ASTN2: variants seen among roughly 807,000 people sequenced by gnomAD.
The protein encoded by ASTN2 is astrotactin 2.
Under a neutral mutation model 139.8 loss-of-function variants are expected in ASTN2, and 54 were observed. The ratio of observed to expected loss-of-function variants is 0.39; its 90% CI spans 0.31 to 0.48. ASTN2 has a LOEUF of 0.48. Ranked by LOEUF, ASTN2 falls within the 20% of genes least tolerant of loss-of-function variation. The pLI is 0.95. For missense variants in ASTN2, 1,565 were observed against 1,725.1 expected (o/e 0.91, Z 1.64); for synonymous variants, 756 against 719.5 (o/e 1.05, Z -0.81).
chr9:116,998,573 A>C lies in ASTN2; in HGVS notation c.1591+9519T>G, dbSNP rs10435876. On this transcript the variant is annotated intron_variant, in intron 7 of 22. Coordinates refer to ENST00000313400, the MANE Select transcript of ASTN2 (RefSeq NM_001365068.1). ...TTCATCCATCCATCCATCCATCCAT[A>C]CATCCATCCATACATCCATGCATCC... Among the ~76,000 whole-genome samples the C allele has an allele frequency of 0.029, 121 of 4,152 alleles. No individual in the cohort carries two copies. In the East Asian group the frequency reaches 0.32, roughly 11 times the overall value. 2.7% of individuals were successfully genotyped at this position (4,152 alleles called of 152,430 possible). A position where few individuals can be genotyped will look rare whatever the true frequency, so the allele number is the denominator to read the frequency against.
chr9:117,315,611 T>C (rs968801697), intron 1 of ASTN2, among the ~76,000 whole-genome samples: 9 of 152,238 alleles, frequency 5.9e-5, no homozygotes, highest in African/African-American at 2.2e-4. Context: ...CAGTTCTCAG[T>C]AAATGCTCAT....
At chr9:116,737,248 G>C (rs1034236968) in intron 13 of ASTN2, among the ~76,000 whole-genome samples, 1 of 152,200 alleles carries the variant, frequency 6.6e-6, no homozygotes, top group Non-Finnish European at 1.5e-5. Flanking sequence ...GGGCGCCCGG[G>C]GCCTTTGCAT....
chr9:117,195,757 G>A (rs907925305), intron 3 of ASTN2, among the ~76,000 whole-genome samples: 3 of 152,114 alleles, frequency 2.0e-5, no homozygotes, highest in Middle Eastern at 3.2e-3. Flanking sequence ...GGTGTCAGAA[G>A]GGTGAGTTAA....
intron 2 of ASTN2, among the ~76,000 whole-genome samples, chr9:117,234,436 A>G (rs1199747897): frequency 6.6e-6 from 1 of 152,208 alleles, no homozygotes; most frequent in African/African-American, 2.4e-5. Context: ...CAGATGCTCA[A>G]CAGCAGCTAG....
chr9:116,806,290 G>A (rs1339616687), intron 12 of ASTN2, among the ~76,000 whole-genome samples: 1 of 152,162 alleles, frequency 6.6e-6, no homozygotes, highest in Non-Finnish European at 1.5e-5. Context: ...CAAGGCTTCT[G>A]TTCACTTAGG....
chr9:116,598,815 AACCTTCACAGAGGTGAAGAT>A (rs1199641692), intron 19 of ASTN2, among the ~76,000 whole-genome samples: 4 of 152,354 alleles, frequency 2.6e-5, no homozygotes, highest in Admixed American at 2.6e-4. Context: ...ATCTTAGATG[AACCTTCACAGAGGTGAAGAT>A]ACCTTCACAG....
At chr9:116,912,678 A>T (rs1165752725) in intron 10 of ASTN2, among the ~76,000 whole-genome samples, 6 of 152,000 alleles carry the variant, frequency 3.9e-5, no homozygotes, top group African/African-American at 1.5e-4. Context: ...TCTGCATCTA[A>T]TCCTGTTTAT....
rs1442565989 is a variant in ASTN2, at chr9:116,778,090, C to T, written c.2396+27542G>A. On this transcript the variant is annotated intron_variant, in intron 13 of 22. Coordinates refer to ENST00000313400, the MANE Select transcript of ASTN2 (RefSeq NM_001365068.1). ...TTGAACTTCTGACCTCGTGATCTAC[C>T]CACCTTGGCCTCCCAAAGTGCTGGG... Among the ~76,000 whole-genome samples the T allele has an allele frequency of 3.3e-5, 5 of 152,144 alleles. No homozygotes were observed. The East Asian group carries it at 9.7e-4, about 29-fold the overall frequency.
chr9:117,078,511 C>A (rs923651231), intron 5 of ASTN2, among the ~76,000 whole-genome samples: 2 of 152,042 alleles, frequency 1.3e-5, no homozygotes, highest in African/African-American at 4.8e-5. Flanking sequence ...TTAGAAGCAC[C>A]GAATTGGAGA....
intron 3 of ASTN2, among the ~76,000 whole-genome samples, chr9:117,164,521 T>A (rs1371437225): frequency 6.6e-6 from 1 of 152,054 alleles, no homozygotes; most frequent in African/African-American, 2.4e-5. Context: ...AGCTATTAAA[T>A]CAAAACAGCC....
intron 7 of ASTN2, among the ~76,000 whole-genome samples, chr9:117,004,503 A>C (rs10817971): frequency 0.22 from 32,877 of 152,128 alleles, 4,372 homozygotes; most frequent in Admixed American, 0.34. Flanking sequence ...TTATAAAGCC[A>C]AATCATGGCC....
chr9:116,982,520 A>C (rs1224091557), intron 7 of ASTN2, among the ~76,000 whole-genome samples: 2 of 151,800 alleles, frequency 1.3e-5, no homozygotes, highest in Non-Finnish European at 2.9e-5. Context: ...AAAACCCAAA[A>C]GACCACAGTT....
chr9:117,226,449 G>C (rs1006921030), intron 2 of ASTN2, among the ~76,000 whole-genome samples: 2 of 152,178 alleles, frequency 1.3e-5, no homozygotes, highest in Admixed American at 1.3e-4. Flanking sequence ...TACAGTCAAT[G>C]CTCAACAAAA....
intron 1 of ASTN2, among the ~76,000 whole-genome samples, chr9:117,380,709 AC>A (rs1192328759): frequency 6.6e-6 from 1 of 152,162 alleles, no homozygotes; most frequent in Non-Finnish European, 1.5e-5. Flanking sequence ...GTAAGCATGA[AC>A]TAGGCAAATG....
intron 7 of ASTN2, 148 bp downstream of exon 7, chr9:117,007,944 C>T: frequency 2.5e-6 from 2 of 800,812 alleles, no homozygotes; most frequent in Non-Finnish European, 3.6e-6. Context: ...GCAGCACATA[C>T]ATTAGTGTTT....
At chr9:117,006,319 C>T (rs1415191864) in intron 7 of ASTN2, among the ~76,000 whole-genome samples, 2 of 152,156 alleles carry the variant, frequency 1.3e-5, no homozygotes, top group Non-Finnish European at 2.9e-5. Context: ...CTTCCTCACC[C>T]AACCCTGACC....
At chr9:116,919,286 A>G (rs1834532506) in intron 10 of ASTN2, among the ~76,000 whole-genome samples, 1 of 152,194 alleles carries the variant, frequency 6.6e-6, no homozygotes, top group African/African-American at 2.4e-5. Context: ...GGAAGTCCTG[A>G]TTTTGTGGCT....
At chr9:117,343,021 T>C (rs140401868) in intron 1 of ASTN2, among the ~76,000 whole-genome samples, 4 of 152,246 alleles carry the variant, frequency 2.6e-5, no homozygotes, top group East Asian at 1.9e-4. Context: ...AGGGGAATAG[T>C]TCCCCCCTCA....
At chr9:116,737,445 G>T (rs1303724987) in intron 13 of ASTN2, among the ~76,000 whole-genome samples, 1 of 143,570 alleles carries the variant, frequency 7.0e-6, no homozygotes, top group Non-Finnish European at 1.5e-5. Flanking sequence ...CAGATTCTTA[G>T]CGCTCGTGTG....
Sources: gnomAD v4.1 joint callset for allele counts (sites outside exome capture counted in the v4.1 genomes callset) on GRCh38, gnomAD v4.1.1 for gene constraint, MANE v1.5 for transcripts, NCBI Gene and HGNC (gene_info 2026-07-23, HGNC 2026-07-21) for gene names.